Variants in ARHGEF9 observed in about 807,000 individuals in gnomAD.
ARHGEF9 encodes Cdc42 guanine nucleotide exchange factor 9, also known as rho guanine nucleotide exchange factor 9.
A neutral mutation model predicts 41.3 loss-of-function variants in ARHGEF9; 2 were observed. The observed-to-expected ratio is 0.05, with a 90% CI of 0.02 to 0.15. The LOEUF is 0.15. Ranked by LOEUF, ARHGEF9 falls within the 10% of genes least tolerant of loss-of-function variation. ARHGEF9 has a pLI of 1.00. For missense variants in ARHGEF9, 225 were observed against 424.7 expected, an observed-to-expected ratio of 0.53 and a Z score of 4.13; for synonymous variants, 160 against 154.4, an observed-to-expected ratio of 1.04 and a Z score of -0.27.
chrX:63,709,857 C>CAGT (rs1252900807), intron 2 of ARHGEF9, among the ~76,000 whole-genome samples: 1 of 111,360 alleles, frequency 9.0e-6, no homozygotes, highest in Non-Finnish European at 1.9e-5. Flanking sequence ...ACTTCAGCAA[C>CAGT]AGTAATCCAT....
intron 1 of ARHGEF9, chrX:63,755,919 G>A (rs1212173004): frequency 3.6e-5 from 25 of 697,522 alleles, no homozygotes; most frequent in Non-Finnish European, 4.2e-5. Flanking sequence ...TACTATGAAG[G>A]GAAGCCAGCA....
At chrX:63,640,804 C>T (rs1360594886) in intron 9 of ARHGEF9, 1 of 111,431 alleles carries the variant, frequency 9.0e-6, no homozygotes, top group Non-Finnish European at 1.9e-5. Context: ...GACCTCTTAA[C>T]AATGCCCCTC....
intron 8 of ARHGEF9, among the ~76,000 whole-genome samples, chrX:63,648,867 A>G (rs1323690807): frequency 4.5e-5 from 5 of 111,812 alleles, no homozygotes; most frequent in African/African-American, 1.3e-4. Context: ...CCATTACATA[A>G]TGGTAAGGGC....
In ARHGEF9 at chrX:63,689,183, G is replaced by A. The variant is rs186861704; in HGVS notation, c.582+7942C>T. Among the ~76,000 whole-genome samples the A allele has an allele frequency of 2.4e-3, 272 of 111,328 alleles. 1 individual carries two copies. The highest frequency in any genetic ancestry group is 8.5e-3 in the African/African-American group (261 of 30,629). On this transcript the variant is annotated intron_variant, in intron 4 of 9. Coordinates refer to ENST00000671741, the MANE Select transcript of ARHGEF9 (RefSeq NM_001353921.2). ...GACTAAATTCTCCAATTAAAAGAGAGTGGCTGAATGGATTAAAAAAAACAG... is the reference window on the plus strand; with the variant it reads ...GACTAAATTCTCCAATTAAAAGAGAATGGCTGAATGGATTAAAAAAAACAG...
chrX:63,742,871 T>C (rs782186295), intron 1 of ARHGEF9, among the ~76,000 whole-genome samples: 2 of 112,415 alleles, frequency 1.8e-5, no homozygotes, highest in African/African-American at 6.5e-5. Context: ...CAATTAATGG[T>C]TCAATGCCAA....
At chrX:63,671,761 A>G (rs1171261335) in intron 6 of ARHGEF9, among the ~76,000 whole-genome samples, 1 of 112,605 alleles carries the variant, frequency 8.9e-6, no homozygotes, top group African/African-American at 3.2e-5. Flanking sequence ...TCAGGGTTGT[A>G]GGGGGAGTCC....
chrX:63,650,277 T>A (rs1422756052), intron 8 of ARHGEF9, among the ~76,000 whole-genome samples: 1 of 111,506 alleles, frequency 9.0e-6, no homozygotes, highest in Non-Finnish European at 1.9e-5. Flanking sequence ...GAAATCAACC[T>A]AAATGCCCAT....
intron 8 of ARHGEF9, among the ~76,000 whole-genome samples, chrX:63,652,313 G>GA (rs1272449808): frequency 1.8e-5 from 2 of 111,268 alleles, no homozygotes; most frequent in Admixed American, 9.6e-5. Context: ...AAAATATGCA[G>GA]AAAAAAGCGG....
At chrX:63,774,314 G>T (rs1443215366) in intron 1 of ARHGEF9, among the ~76,000 whole-genome samples, 1 of 111,318 alleles carries the variant, frequency 9.0e-6, no homozygotes, top group Non-Finnish European at 1.9e-5. Context: ...TTCTACAACA[G>T]ACATTCATTT....
intron 6 of ARHGEF9, among the ~76,000 whole-genome samples, chrX:63,673,567 G>C (rs1556358092): frequency 9.0e-6 from 1 of 110,709 alleles, no homozygotes; most frequent in Admixed American, 9.6e-5. Context: ...TAGTGTACAG[G>C]CCTAATAGAG....
At chrX:63,744,027 C>T (rs1318953335) in intron 1 of ARHGEF9, among the ~76,000 whole-genome samples, 2 of 112,148 alleles carry the variant, frequency 1.8e-5, no homozygotes, top group Admixed American at 9.4e-5. Flanking sequence ...AAGAGTCCTC[C>T]AAAAATGACA....
At chrX:63,681,203 T>C (rs2050600996) in intron 4 of ARHGEF9, among the ~76,000 whole-genome samples, 1 of 111,683 alleles carries the variant, frequency 9.0e-6, no homozygotes, top group Admixed American at 9.5e-5. Flanking sequence ...CTACCATGCA[T>C]GTACCTGCAA....
At chrX:63,646,081 T>C (rs1458122303) in intron 8 of ARHGEF9, among the ~76,000 whole-genome samples, 1 of 111,788 alleles carries the variant, frequency 8.9e-6, no homozygotes, top group Non-Finnish European at 1.9e-5. Context: ...GGGTTGTTTG[T>C]TTTTTTCTTG....
At chrX:63,710,408 C>T (rs1556406071) in intron 2 of ARHGEF9, among the ~76,000 whole-genome samples, 3 of 100,104 alleles carry the variant, frequency 3.0e-5, no homozygotes, top group African/African-American at 1.1e-4. Context: ...TTCCAAATAA[C>T]AAAAATATAG....
At chrX:63,649,778 A>C (rs2048410330) in intron 8 of ARHGEF9, among the ~76,000 whole-genome samples, 1 of 111,948 alleles carries the variant, frequency 8.9e-6, no homozygotes, top group African/African-American at 3.2e-5. Flanking sequence ...ATCCCACAGA[A>C]ATACAAACTA....
At chrX:63,765,413 C>G (rs1231434960) in intron 1 of ARHGEF9, among the ~76,000 whole-genome samples, 1 of 110,972 alleles carries the variant, frequency 9.0e-6, no homozygotes, top group Non-Finnish European at 1.9e-5. Flanking sequence ...AAAAAACCCT[C>G]GCTTAAGCAG....
intron 7 of ARHGEF9, among the ~76,000 whole-genome samples, chrX:63,664,172 C>CT (rs1438885982): frequency 8.9e-6 from 1 of 112,570 alleles, no homozygotes; most frequent in African/African-American, 3.2e-5. Flanking sequence ...TTGGCTCCCA[C>CT]TATCTGGCTT....
In ARHGEF9 at chrX:63,779,059, G is replaced by A. The variant is rs1199711955; in HGVS notation, c.30+6057C>T. On this transcript the variant is annotated intron_variant, in intron 1 of 9. Transcript: ENST00000671741. The stretch of plus-strand genomic sequence containing the variant: ...GGTAATAGTTTCAGGACTGAGAAAC[G>A]TAAAAGCCAGGTCCTAAACCTAGGC... 7.1e-5 allele frequency among the ~76,000 whole-genome samples: 8 copies of A among 111,916 alleles called. No homozygotes were observed. In the South Asian group the frequency reaches 1.1e-3, roughly 16 times the overall value.
chrX:63,734,963 T>A (rs1253867232), intron 1 of ARHGEF9, among the ~76,000 whole-genome samples: 1 of 111,176 alleles, frequency 9.0e-6, no homozygotes, highest in East Asian at 2.9e-4. Flanking sequence ...GAACATGCCA[T>A]CTCAAGCTTG....
Sources: allele counts gnomAD v4.1 joint callset (sites outside exome capture counted in the v4.1 genomes callset), GRCh38; gene constraint gnomAD v4.1.1; transcripts MANE v1.5; gene names NCBI Gene and HGNC (gene_info 2026-07-23, HGNC 2026-07-21).